The following HS3ST4 variants were observed in gnomAD, a reference collection of about 807,000 sequenced individuals.
HS3ST4 encodes the protein heparan sulfate glucosamine 3-O-sulfotransferase 4.
In HS3ST4, 17 loss-of-function variants were observed where a neutral mutation model predicts 29.2. The observed-to-expected ratio is 0.58, with a 90% CI of 0.40 to 0.87. The LOEUF is 0.87. Among genes scored for constraint, HS3ST4 ranks in the 40% least tolerant of loss-of-function variants. The probability of loss-of-function intolerance (pLI) is 0.00; values close to 1 mark genes in which losing one functional copy is unlikely to be tolerated. For synonymous variants in HS3ST4, 314 were observed against 285.7 expected (o/e 1.10, Z -1.00); for missense variants, 627 against 634.5 (o/e 0.99, Z 0.13).
intron 1 of HS3ST4, among the ~76,000 whole-genome samples, chr16:25,702,349 A>G (rs909716546): frequency 6.6e-6 from 1 of 152,244 alleles, no homozygotes; most frequent in Non-Finnish European, 1.5e-5. Context: ...TTGTGAAAAT[A>G]TAATGGGAAA....
intron 1 of HS3ST4, among the ~76,000 whole-genome samples, chr16:26,051,880 GCCTC>G (rs60911157): frequency 0.13 from 7,956 of 62,820 alleles, 792 homozygotes; most frequent in African/African-American, 0.26. Flanking sequence ...CTCCCTCCCT[GCCTC>G]CCTCCCTCCC....
At chr16:25,723,360 G>T (rs545255921) in intron 1 of HS3ST4, among the ~76,000 whole-genome samples, 5 of 152,308 alleles carry the variant, frequency 3.3e-5, no homozygotes, top group African/African-American at 1.2e-4. Context: ...AGCTATGTAT[G>T]TTCCTTTAGC....
chr16:25,701,677 A>G (rs1357812432), intron 1 of HS3ST4, among the ~76,000 whole-genome samples: 1 of 152,156 alleles, frequency 6.6e-6, no homozygotes, highest in African/African-American at 2.4e-5. Flanking sequence ...TTATTCATTC[A>G]TGTATTTATT....
intron 1 of HS3ST4, among the ~76,000 whole-genome samples, chr16:25,714,211 A>G (rs1364173234): frequency 6.6e-6 from 1 of 152,140 alleles, no homozygotes; most frequent in Non-Finnish European, 1.5e-5. Flanking sequence ...CAACTAACAA[A>G]TACATGAAAA....
At chr16:25,895,922 A>G (rs959882187) in intron 1 of HS3ST4, among the ~76,000 whole-genome samples, 18 of 152,168 alleles carry the variant, frequency 1.2e-4, no homozygotes, top group Non-Finnish European at 1.5e-5. Context: ...AGTCTGTAAC[A>G]GTGGACAAGG....
chr16:25,728,149 G>A (rs1468882157), intron 1 of HS3ST4, among the ~76,000 whole-genome samples: 4 of 152,010 alleles, frequency 2.6e-5, no homozygotes, highest in African/African-American at 9.7e-5. Context: ...TTACAGGCAC[G>A]CGCCATCACA....
chr16:25,871,922 AG>A (rs200516926), intron 1 of HS3ST4, among the ~76,000 whole-genome samples: 5,067 of 150,894 alleles, frequency 0.034, 87 homozygotes, highest in South Asian at 0.074. Flanking sequence ...CAAGAATATG[AG>A]GCTGTAGTCC....
intron 1 of HS3ST4, among the ~76,000 whole-genome samples, chr16:26,014,940 C>T (rs1000693935): frequency 1.3e-4 from 20 of 152,148 alleles, no homozygotes; most frequent in African/African-American, 4.6e-4. Context: ...CTTCTTCTGG[C>T]TAATATGGTG....
chr16:25,880,359 T>C (rs1306454603), intron 1 of HS3ST4, among the ~76,000 whole-genome samples: 1 of 152,184 alleles, frequency 6.6e-6, no homozygotes, highest in Admixed American at 6.5e-5. Flanking sequence ...CAGTGAATAT[T>C]TGTTGAATGA....
chr16:25,862,833 A>G (rs1312733447), intron 1 of HS3ST4, among the ~76,000 whole-genome samples: 2 of 152,166 alleles, frequency 1.3e-5, no homozygotes, highest in South Asian at 2.1e-4. Flanking sequence ...TGTATCTTGA[A>G]CTTCAATGAA....
chr16:25,774,141 T>A (rs1966845401), intron 1 of HS3ST4, among the ~76,000 whole-genome samples: 1 of 152,170 alleles, frequency 6.6e-6, no homozygotes, highest in South Asian at 2.1e-4. Flanking sequence ...ATAGTGTGAT[T>A]GGGGAACAGG....
intron 1 of HS3ST4, among the ~76,000 whole-genome samples, chr16:25,763,234 A>G (rs1193592586): frequency 2.0e-5 from 3 of 152,062 alleles, no homozygotes; most frequent in Non-Finnish European, 4.4e-5. Context: ...TATAGGAGAA[A>G]CTTGCCTTTG....
chr16:25,904,770 A>G (rs1440758065), intron 1 of HS3ST4, among the ~76,000 whole-genome samples: 1 of 152,164 alleles, frequency 6.6e-6, no homozygotes, highest in Non-Finnish European at 1.5e-5. Flanking sequence ...TCTGAGCCAC[A>G]CCTCGTTCCT....
At chr16:25,731,649 C>T (rs889276807) in intron 1 of HS3ST4, among the ~76,000 whole-genome samples, 4 of 152,122 alleles carry the variant, frequency 2.6e-5, no homozygotes, top group African/African-American at 9.7e-5. Context: ...CCTACAGAGA[C>T]ACTCTTATGA....
intron 1 of HS3ST4, among the ~76,000 whole-genome samples, chr16:26,045,082 G>T (rs1299611914): frequency 6.6e-6 from 1 of 152,146 alleles, no homozygotes; most frequent in Admixed American, 6.5e-5. Context: ...AAGGCTGTGG[G>T]TGCAGCACTA....
chr16:25,989,061 A>G (rs1237789138), intron 1 of HS3ST4, among the ~76,000 whole-genome samples: 1 of 152,222 alleles, frequency 6.6e-6, no homozygotes, highest in Non-Finnish European at 1.5e-5. Context: ...CAGAGAAAGG[A>G]GAGTCACAGA....
chr16:26,028,971 G>A (rs766586368), intron 1 of HS3ST4: 2 of 152,264 alleles, frequency 1.3e-5, no homozygotes, highest in Non-Finnish European at 2.9e-5. Flanking sequence ...AACTAAGCAG[G>A]GTCAGGCCTG....
chr16:25,811,556 C>G (rs1014166520), intron 1 of HS3ST4, among the ~76,000 whole-genome samples: 6 of 151,638 alleles, frequency 4.0e-5, no homozygotes, highest in African/African-American at 1.5e-4. Flanking sequence ...GCCTCAGCCT[C>G]CCGAGTAGCT....
At chr16:26,120,708 C>A (rs532128581) in intron 1 of HS3ST4, among the ~76,000 whole-genome samples, 32 of 152,294 alleles carry the variant, frequency 2.1e-4, no homozygotes, top group African/African-American at 7.5e-4. Flanking sequence ...ATGATTGACC[C>A]CAGCAACGCT....
Sources: gnomAD v4.1 joint callset for allele counts (sites outside exome capture counted in the v4.1 genomes callset) on GRCh38, gnomAD v4.1.1 for gene constraint, MANE v1.5 for transcripts, NCBI Gene and HGNC (gene_info 2026-07-23, HGNC 2026-07-21) for gene names.